CNTN5: variants seen among roughly 807,000 people sequenced by gnomAD.
CNTN5 encodes the protein contactin-5.
CNTN5 carries 77 observed loss-of-function variants against 129.1 expected under a neutral mutation model. That is an observed-to-expected ratio of 0.60 (90% CI 0.50 to 0.72). The LOEUF is 0.72. Among genes scored for constraint, CNTN5 ranks in the 30% least tolerant of loss-of-function variants. The pLI is 0.00. For synonymous variants in CNTN5, 509 were observed against 465.6 expected (o/e 1.09, Z -1.20); for missense variants, 1,478 against 1,328.8 (o/e 1.11, Z -1.75).
At chr11:99,039,692 A>C (rs1219973034) in intron 1 of CNTN5, among the ~76,000 whole-genome samples, 1 of 152,158 alleles carries the variant, frequency 6.6e-6, no homozygotes, top group Non-Finnish European at 1.5e-5. Context: ...AACAAGGGAA[A>C]GAATGAATGT....
Position 99,867,795 on chromosome 11 carries a change from A to G in CNTN5, c.577+22533A>G, listed in dbSNP as rs115230992. 8.7e-3 allele frequency among the ~76,000 whole-genome samples: 1,325 copies of G among 152,320 alleles called. 19 individuals carry two copies. The highest frequency in any genetic ancestry group is 0.029 in the African/African-American group (1,200 of 41,570). On this transcript the variant is annotated intron_variant, in intron 6 of 24. Transcript: ENST00000524871. Reference sequence around the variant, plus strand: ...AATTCCTTTTTCCATGTAGCCTAACATAGTCAAAGATTTGAGGATTCAGAT... The same window carrying G: ...AATTCCTTTTTCCATGTAGCCTAACGTAGTCAAAGATTTGAGGATTCAGAT...
chr11:100,149,893 CAAA>C (rs36016957), intron 13 of CNTN5, among the ~76,000 whole-genome samples: 4 of 117,144 alleles, frequency 3.4e-5, no homozygotes, highest in East Asian at 2.3e-4. Context: ...GACTCCATCT[CAAA>C]AAAAAAAAAA....
intron 3 of CNTN5, among the ~76,000 whole-genome samples, chr11:99,582,322 A>T (rs1332459827): frequency 6.6e-6 from 1 of 152,092 alleles, no homozygotes; most frequent in Non-Finnish European, 1.5e-5. Context: ...GCTCTTCTCG[A>T]GGAGTATCTT....
At chr11:99,419,738 A>T (rs1318471973) in intron 2 of CNTN5, among the ~76,000 whole-genome samples, 1 of 152,154 alleles carries the variant, frequency 6.6e-6, no homozygotes, top group African/African-American at 2.4e-5. Flanking sequence ...TAAATTTCTG[A>T]TGAAATACAA....
intron 3 of CNTN5, among the ~76,000 whole-genome samples, chr11:99,678,829 A>G (rs1188113841): frequency 6.6e-6 from 1 of 151,948 alleles, no homozygotes; most frequent in East Asian, 1.9e-4. Flanking sequence ...AGAAGAATAC[A>G]AATAAAATGT....
chr11:99,968,580 T>C (rs1445226123), intron 8 of CNTN5, among the ~76,000 whole-genome samples: 4 of 151,112 alleles, frequency 2.6e-5, no homozygotes, highest in African/African-American at 9.7e-5. Flanking sequence ...AACAATGGAA[T>C]GTAGCAAAGC....
chr11:99,996,147 A>C (rs1939430600), intron 8 of CNTN5, among the ~76,000 whole-genome samples: 1 of 152,076 alleles, frequency 6.6e-6, no homozygotes, highest in South Asian at 2.1e-4. Flanking sequence ...CCATGCCCTT[A>C]TTCCTGTACC....
intron 1 of CNTN5, among the ~76,000 whole-genome samples, chr11:99,046,763 C>T (rs1248979075): frequency 6.6e-6 from 1 of 152,048 alleles, no homozygotes; most frequent in Non-Finnish European, 1.5e-5. Context: ...AAATGTCTTA[C>T]TAATAATGCA....
intron 1 of CNTN5, among the ~76,000 whole-genome samples, chr11:99,316,089 G>A (rs1865328103): frequency 1.3e-5 from 2 of 151,896 alleles, no homozygotes; most frequent in Admixed American, 1.3e-4. Flanking sequence ...AACCATTCCT[G>A]TTTTCTGATT....
intron 3 of CNTN5, among the ~76,000 whole-genome samples, chr11:99,607,927 A>C (rs987339986): frequency 2.7e-5 from 3 of 112,536 alleles, no homozygotes; most frequent in African/African-American, 7.0e-5. Flanking sequence ...AGGAAGGGGA[A>C]TATCACACTC....
At chr11:99,892,017 G>C (rs1022550961) in intron 6 of CNTN5, among the ~76,000 whole-genome samples, 1 of 152,050 alleles carries the variant, frequency 6.6e-6, no homozygotes, top group Non-Finnish European at 1.5e-5. Flanking sequence ...TTTAATGATC[G>C]TCATTCTAAC....
At chr11:100,085,468 C>A (rs1205094322) in intron 13 of CNTN5, among the ~76,000 whole-genome samples, 1 of 151,934 alleles carries the variant, frequency 6.6e-6, no homozygotes, top group Non-Finnish European at 1.5e-5. Context: ...ACTAAACTTT[C>A]TTCAACATAT....
intron 4 of CNTN5, among the ~76,000 whole-genome samples, chr11:99,839,165 AG>A (rs1232123073): frequency 3.9e-5 from 6 of 152,196 alleles, no homozygotes; most frequent in Non-Finnish European, 8.8e-5. Context: ...CATTGAAACA[AG>A]GAAAAAAGGC....
At chr11:99,569,406 C>T (rs188247194) in intron 3 of CNTN5, among the ~76,000 whole-genome samples, 62 of 152,238 alleles carry the variant, frequency 4.1e-4, no homozygotes, top group African/African-American at 1.3e-3. Context: ...CTCCGCCTCC[C>T]GGGTTCAAGC....
intron 9 of CNTN5, among the ~76,000 whole-genome samples, chr11:100,003,418 A>G (rs1452555306): frequency 1.3e-5 from 2 of 152,204 alleles, no homozygotes; most frequent in African/African-American, 2.4e-5. Flanking sequence ...AAATGTCCCA[A>G]GTAAGAAGCT....
chr11:99,209,105 G>A (rs934425676), intron 1 of CNTN5, among the ~76,000 whole-genome samples: 9 of 151,958 alleles, frequency 5.9e-5, no homozygotes, highest in South Asian at 2.1e-4. Context: ...GTGAATTGAC[G>A]CTACAGTGTA....
At chr11:99,107,020 G>C (rs1867028341) in intron 1 of CNTN5, among the ~76,000 whole-genome samples, 3 of 152,086 alleles carry the variant, frequency 2.0e-5, no homozygotes, top group Admixed American at 2.0e-4. Flanking sequence ...GAACAAAAAT[G>C]TCACCTTTGA....
intron 9 of CNTN5, among the ~76,000 whole-genome samples, chr11:100,012,956 C>T (rs567311996): frequency 7.2e-5 from 11 of 152,198 alleles, no homozygotes; most frequent in African/African-American, 2.4e-4. Flanking sequence ...ATCGTAAGAT[C>T]AGCAACTATC....
At chr11:99,455,068 G>A (rs1392977548) in intron 2 of CNTN5, among the ~76,000 whole-genome samples, 1 of 152,154 alleles carries the variant, frequency 6.6e-6, no homozygotes, top group Non-Finnish European at 1.5e-5. Flanking sequence ...AGGTAGGCCA[G>A]TAACCTGAAA....
Sources: gnomAD v4.1 joint callset for allele counts (sites outside exome capture counted in the v4.1 genomes callset) on GRCh38, gnomAD v4.1.1 for gene constraint, MANE v1.5 for transcripts, NCBI Gene and HGNC (gene_info 2026-07-23, HGNC 2026-07-21) for gene names.